CACNA2D1: variants seen among roughly 807,000 people sequenced by gnomAD.
CACNA2D1 encodes calcium voltage-gated channel auxiliary subunit alpha2delta 1.
A neutral mutation model predicts 171.5 loss-of-function variants in CACNA2D1; 53 were observed. The ratio of observed to expected loss-of-function variants is 0.31; its 90% CI spans 0.25 to 0.39. The LOEUF is 0.39. Ranked by LOEUF, CACNA2D1 falls within the 10% of genes least tolerant of loss-of-function variation. The pLI, the probability that CACNA2D1 is intolerant of heterozygous loss-of-function variation, is 1.00. For synonymous variants in CACNA2D1, 442 were observed against 443.1 expected, an observed-to-expected ratio of 1.00 and a Z score of 0.03; for missense variants, 903 against 1,299.8, an observed-to-expected ratio of 0.69 and a Z score of 4.69.
At chr7:82,265,039 G>A (rs1222233187) in intron 3 of CACNA2D1, among the ~76,000 whole-genome samples, 6 of 152,082 alleles carry the variant, frequency 3.9e-5, no homozygotes, top group Non-Finnish European at 5.9e-5. Flanking sequence ...ATAAGTCTTC[G>A]TCCAAACCCA....
chr7:82,221,052 A>G (rs1801708967), intron 3 of CACNA2D1, among the ~76,000 whole-genome samples: 5 of 152,160 alleles, frequency 3.3e-5, no homozygotes, highest in Admixed American at 3.3e-4. Context: ...CTGAGATTAC[A>G]GGTGTGAGGC....
At chr7:82,061,106 A>C (rs898084643) in intron 9 of CACNA2D1, among the ~76,000 whole-genome samples, 5 of 152,102 alleles carry the variant, frequency 3.3e-5, no homozygotes. Flanking sequence ...CCCCACTTCT[A>C]CATCTCTAGC....
At chr7:82,279,942 T>C (rs1264775446) in intron 3 of CACNA2D1, among the ~76,000 whole-genome samples, 2 of 152,150 alleles carry the variant, frequency 1.3e-5, no homozygotes, top group South Asian at 2.1e-4. Context: ...TCAAAACTAA[T>C]TGGACCTAAA....
intron 21 of CACNA2D1, among the ~76,000 whole-genome samples, chr7:81,986,265 C>T (rs1335342607): frequency 6.6e-6 from 1 of 152,144 alleles, no homozygotes; most frequent in Non-Finnish European, 1.5e-5. Context: ...CCTTCAGCAT[C>T]CACTTTTAAT....
rs188034163 is a variant in CACNA2D1, at chr7:82,262,709, A to G, written c.294+72426T>C. On this transcript the variant is annotated intron_variant, in intron 3 of 38. Transcript: ENST00000356860. ...TCACCCATCCTCCTGTCTCCTACTC[A>G]TATTTCTCTCATGAAACAAGCCATA... Among the ~76,000 whole-genome samples the G allele has an allele frequency of 1.4e-3, 207 of 152,182 alleles. 2 individuals carry two copies. Among genetic ancestry groups the G allele is most frequent in the South Asian group, 0.012 (59 of 4,818 alleles).
At chr7:82,323,394 T>A (rs1325126303) in intron 3 of CACNA2D1, among the ~76,000 whole-genome samples, 1 of 152,166 alleles carries the variant, frequency 6.6e-6, no homozygotes, top group Non-Finnish European at 1.5e-5. Flanking sequence ...ATGACTATCA[T>A]CATAGAAAGA....
chr7:82,183,909 A>C (rs939461715), intron 3 of CACNA2D1, among the ~76,000 whole-genome samples: 2 of 151,672 alleles, frequency 1.3e-5, no homozygotes, highest in African/African-American at 2.4e-5. Context: ...CCACACTCTG[A>C]CTCTTCTTAT....
chr7:82,408,300 G>A (rs184199065), intron 1 of CACNA2D1, among the ~76,000 whole-genome samples: 2 of 152,184 alleles, frequency 1.3e-5, no homozygotes, highest in African/African-American at 2.4e-5. Flanking sequence ...GGGATTACAG[G>A]TATGTGACTC....
At chr7:81,968,292 T>G (rs576194841) in intron 29 of CACNA2D1, among the ~76,000 whole-genome samples, 3 of 151,468 alleles carry the variant, frequency 2.0e-5, no homozygotes, top group African/African-American at 7.2e-5. Context: ...AGCTTTTACT[T>G]TATTGTATTC....
At chr7:82,443,089 G>C (rs890808222) in intron 1 of CACNA2D1, among the ~76,000 whole-genome samples, 1 of 152,220 alleles carries the variant, frequency 6.6e-6, no homozygotes, top group African/African-American at 2.4e-5. Context: ...GTTAGAGACG[G>C]GCTGAGACGC....
At chr7:82,359,660 T>C (rs1820861684) in intron 1 of CACNA2D1, among the ~76,000 whole-genome samples, 1 of 124,342 alleles carries the variant, frequency 8.0e-6, no homozygotes, top group Non-Finnish European at 1.8e-5. Context: ...CCTCAAACTA[T>C]CATAATTTTT....
At chr7:82,350,874 C>A (rs1029586432) in intron 1 of CACNA2D1, among the ~76,000 whole-genome samples, 3 of 152,104 alleles carry the variant, frequency 2.0e-5, no homozygotes, top group Admixed American at 6.5e-5. Context: ...TTCAGGTATG[C>A]AATGGACATC....
rs5885283 is a variant in CACNA2D1 at position 82,287,997 on chromosome 7, ATT to A, written c.294+47136_294+47137del. Among the ~76,000 whole-genome samples, 372 of 138,836 alleles carry A rather than the reference ATT, an allele frequency of 2.7e-3. 1 individual carries two copies. Among genetic ancestry groups the A allele is most frequent in the South Asian group, 0.012 (52 of 4,466 alleles). The allele number at this position is 138,836 out of a possible 152,430, so 91.1% of individuals were successfully genotyped here. A position where few individuals can be genotyped will look rare whatever the true frequency, so the allele number is the denominator to read the frequency against. On this transcript the variant is annotated intron_variant, in intron 3 of 38. Coordinates refer to ENST00000356860, the MANE Select transcript of CACNA2D1 (RefSeq NM_000722.4). ...AGGAGCCCACCACCATGCCCGGCTA[ATT>A]TTTTTTTTTTTTTTGTATTTTTAGT...
chr7:82,165,361 T>C (rs1178801249), intron 4 of CACNA2D1, among the ~76,000 whole-genome samples: 2 of 152,042 alleles, frequency 1.3e-5, no homozygotes, highest in Non-Finnish European at 2.9e-5. Flanking sequence ...TATTGTCATT[T>C]TGGCTTTAAT....
intron 12 of CACNA2D1, among the ~76,000 whole-genome samples, chr7:82,023,676 C>T (rs1801529537): frequency 6.6e-6 from 1 of 151,434 alleles, no homozygotes; most frequent in Non-Finnish European, 1.5e-5. Flanking sequence ...AACTACCATC[C>T]TATGGTGAGA....
chr7:82,405,489 C>T (rs143144337), intron 1 of CACNA2D1, among the ~76,000 whole-genome samples: 2 of 152,110 alleles, frequency 1.3e-5, no homozygotes, highest in East Asian at 1.9e-4. Context: ...AAAATTAACA[C>T]TGATCTTACA....
intron 20 of CACNA2D1, 89 bp from the exon 21 acceptor site, chr7:81,991,335 T>C (rs912805088): frequency 1.7e-5 from 13 of 749,660 alleles, no homozygotes; most frequent in Non-Finnish European, 3.2e-5. Context: ...CTTATAAATT[T>C]TGTAGTCATT....
intron 3 of CACNA2D1, among the ~76,000 whole-genome samples, chr7:82,203,464 G>A (rs1432455254): frequency 6.6e-6 from 1 of 152,148 alleles, no homozygotes; most frequent in African/African-American, 2.4e-5. Context: ...CATATGTCAT[G>A]GTCTTGTTAA....
chr7:82,266,776 C>T (rs1159648486), intron 3 of CACNA2D1, among the ~76,000 whole-genome samples: 1 of 152,178 alleles, frequency 6.6e-6, no homozygotes, highest in African/African-American at 2.4e-5. Context: ...CTCTGCCTCT[C>T]AAAGTGCTGG....
Sources: gnomAD v4.1 joint callset for allele counts (sites outside exome capture counted in the v4.1 genomes callset) on GRCh38, gnomAD v4.1.1 for gene constraint, MANE v1.5 for transcripts, NCBI Gene and HGNC (gene_info 2026-07-23, HGNC 2026-07-21) for gene names.